The following PCDHA1 variants were observed in gnomAD, a reference collection of about 807,000 sequenced individuals.
PCDHA1 encodes protocadherin alpha-1.
Under a neutral mutation model 61.3 loss-of-function variants are expected in PCDHA1, and 42 were observed. That is an observed-to-expected ratio of 0.69 (90% confidence interval 0.54 to 0.89). The LOEUF is 0.89. PCDHA1 is among the 40% of genes least tolerant of loss of function. The pLI is 0.00. For synonymous variants in PCDHA1, 610 were observed against 553.8 expected (o/e 1.10, Z -1.43); for missense variants, 1,256 against 1,235.3 (o/e 1.02, Z -0.25).
At chr5:140,860,151 GTGTATATATATA>G (rs1350684051) in intron 1 of PCDHA1, 1 of 149,616 alleles carries the variant, frequency 6.7e-6, no homozygotes, top group African/African-American at 2.5e-5. Context: ...ATGTATATAT[GTGTATATATATA>G]TGTATATATA....
chr5:140,942,808 C>T (rs1175421349), intron 1 of PCDHA1, among the ~76,000 whole-genome samples: 1 of 151,920 alleles, frequency 6.6e-6, no homozygotes, highest in East Asian at 1.9e-4. Context: ...TTTCCACAAA[C>T]TAGTTGGATT....
chr5:140,831,960 C>A (rs2150110933), intron 1 of PCDHA1, among the ~76,000 whole-genome samples: 1 of 152,212 alleles, frequency 6.6e-6, no homozygotes, highest in East Asian at 1.9e-4. Context: ...AACTTTATGT[C>A]ATTTTATGCT....
chr5:140,789,081 A>G (rs1334437010), intron 1 of PCDHA1, among the ~76,000 whole-genome samples: 1 of 152,250 alleles, frequency 6.6e-6, no homozygotes, highest in African/African-American at 2.4e-5. Flanking sequence ...AGTTACAGAA[A>G]TCATCTGCCT....
chr5:140,809,151 G>A lies in PCDHA1; in HGVS notation c.2394+20467G>A, dbSNP rs370475370. ...CTACTGGTACTGGTGAAGGACCACGGCGAGCCCGCGCTGACGGCCACGGCC... is the reference window on the plus strand; with the variant it reads ...CTACTGGTACTGGTGAAGGACCACGACGAGCCCGCGCTGACGGCCACGGCC... On this transcript the variant is annotated intron_variant, in intron 1 of 3. Coordinates refer to ENST00000504120, the MANE Select transcript of PCDHA1 (RefSeq NM_018900.4). 1.9e-6 allele frequency: 3 copies of A among 1,613,852 alleles called. No individual in the cohort carries two copies. The highest frequency in any genetic ancestry group is 2.7e-5 in the African/African-American group (2 of 74,940).
At chr5:140,907,519 C>A (rs1378450434) in intron 1 of PCDHA1, among the ~76,000 whole-genome samples, 3 of 152,184 alleles carry the variant, frequency 2.0e-5, no homozygotes, top group Non-Finnish European at 4.4e-5. Flanking sequence ...CCAGTGAGGA[C>A]AAATCGCTGC....
intron 1 of PCDHA1, chr5:140,876,942 G>C (rs370156477): frequency 6.2e-7 from 1 of 1,613,660 alleles, no homozygotes; most frequent in South Asian, 1.1e-5. Flanking sequence ...ACGCGCTGGT[G>C]TCCTACTCGC....
chr5:140,798,771 C>G (rs947635529), intron 1 of PCDHA1, among the ~76,000 whole-genome samples: 7 of 152,128 alleles, frequency 4.6e-5, no homozygotes, highest in Admixed American at 2.6e-4. Flanking sequence ...CTGAACTCGA[C>G]AAGTAAATGT....
rs782090194 is a variant in PCDHA1, at chr5:140,796,999, T to A, written c.2394+8315T>A. On this transcript the variant is annotated intron_variant, in intron 1 of 3. Transcript: ENST00000504120. ...GGAAAGTGGCCAGGCACCCAAGGCC[T>A]CGTCGCGGGCGTGGGTGGGCGCCGC... 16 of 1,613,556 alleles carry A rather than the reference T, an allele frequency of 9.9e-6. No homozygotes were observed. The South Asian group carries it at 1.8e-4, about 18-fold the overall frequency.
At chr5:140,808,672 A>T in intron 1 of PCDHA1, 1 of 1,612,834 alleles carries the variant, frequency 6.2e-7, no homozygotes, top group South Asian at 1.1e-5. Context: ...ACTCGCTGGT[A>T]GAGCGGCGGG....
chr5:140,786,786 G>A lies in PCDHA1; in HGVS notation c.496G>A (p.Ala166Thr). The change falls in exon 1 of 4, where the codon GCT (alanine) becomes ACT (threonine). Residue 166 changes from alanine to threonine, a missense_variant. Coordinates refer to ENST00000504120, the MANE Select transcript of PCDHA1 (RefSeq NM_018900.4). ...TGCTGATGCAGACATTGGTGCTAAC[G>A]CTCTTCTAACGTACACGCTCAGCCC... ...GAADADIGAN[A>T]LLTYTLSPSD... 6.2e-7 allele frequency: 1 copy of A among 1,614,210 alleles called. No homozygotes were observed. Among genetic ancestry groups the A allele is most frequent in the South Asian group, 1.1e-5 (1 of 91,084 alleles).
chr5:140,787,180 C>G lies in PCDHA1; in HGVS notation c.890C>G (p.Ser297Cys), dbSNP rs781879463. The G allele has an allele frequency of 2.5e-6, 4 of 1,613,546 alleles. No homozygotes were observed. The African/African-American group carries it at 4.0e-5, about 16-fold the overall frequency. Reference sequence around the variant, plus strand: ...ATTCAAGAAAAATTCAAAGTTGATTCCAGCTCAGGAGAAATTAGGTTAATT... The same window carrying G: ...ATTCAAGAAAAATTCAAAGTTGATTGCAGCTCAGGAGAAATTAGGTTAATT... ...RDIQEKFKVDSSSGEIRLIDK... is the reference protein window; with the variant it reads ...RDIQEKFKVDCSSGEIRLIDK... Residue 297 changes from serine (S) to cysteine (C), a missense_variant, in exon 1 of 4, where the codon TCC becomes TGC. Ser to Cys is a moderately radical substitution (Grantham distance 112). Coordinates refer to ENST00000504120, the MANE Select transcript of PCDHA1 (RefSeq NM_018900.4).
intron 1 of PCDHA1, chr5:140,869,704 G>A (rs1271953937): frequency 2.5e-6 from 4 of 1,613,400 alleles, no homozygotes; most frequent in Admixed American, 3.3e-5. Flanking sequence ...GAAGTCTCTG[G>A]ATAGAGAGAA....
chr5:140,843,875 G>A (rs1044145588), intron 1 of PCDHA1: 18 of 764,320 alleles, frequency 2.4e-5, no homozygotes, highest in Middle Eastern at 3.9e-4. Context: ...TTTCTCAGTG[G>A]CATAATACAG....
At chr5:140,916,603 G>A (rs782815026) in intron 1 of PCDHA1, among the ~76,000 whole-genome samples, 4 of 152,152 alleles carry the variant, frequency 2.6e-5, no homozygotes, top group South Asian at 2.1e-4. Flanking sequence ...CCTGGAATGC[G>A]GGCCTCATGA....
intron 1 of PCDHA1, chr5:140,828,866 A>T (rs1769994516): frequency 6.2e-7 from 1 of 1,614,126 alleles, no homozygotes; most frequent in Admixed American, 1.7e-5. Context: ...AGACAACGGA[A>T]CAACAGTTAT....
At chr5:140,869,288 G>C (rs950790626) in intron 1 of PCDHA1, 2 of 1,613,578 alleles carry the variant, frequency 1.2e-6, no homozygotes, top group South Asian at 1.1e-5. Flanking sequence ...CTGGTGCAGC[G>C]CCTGTTCCGG....
intron 1 of PCDHA1, chr5:140,831,149 C>A (rs2150192022): frequency 6.6e-6 from 1 of 152,098 alleles, no homozygotes; most frequent in Non-Finnish European, 1.5e-5. Flanking sequence ...TATTTACTAC[C>A]GATCTAAATA....
In PCDHA1 at chr5:140,828,703, A is replaced by C. The variant is rs1438120324; in HGVS notation, c.2394+40019A>C. The stretch of plus-strand genomic sequence containing the variant: ...TAAAGAAATCCTTGGACAGAGAGGA[A>C]GCTCCTGCACACAACTTATTCCTGA... On this transcript the variant is annotated intron_variant, in intron 1 of 3. Coordinates refer to ENST00000504120, the MANE Select transcript of PCDHA1 (RefSeq NM_018900.4). The C allele has an allele frequency of 1.3e-5, 21 of 1,614,248 alleles. 1 individual carries two copies. The African/African-American group carries it at 1.6e-4, about 12-fold the overall frequency.
intron 1 of PCDHA1, among the ~76,000 whole-genome samples, chr5:140,935,203 A>T (rs1403808889): frequency 6.6e-6 from 1 of 152,160 alleles, no homozygotes; most frequent in African/African-American, 2.4e-5. Flanking sequence ...GTTTCTAGGT[A>T]TCTTCAGCTA....
Sources: gnomAD v4.1 joint callset for allele counts (sites outside exome capture counted in the v4.1 genomes callset) on GRCh38, gnomAD v4.1.1 for gene constraint, MANE v1.5 for transcripts, NCBI Gene and HGNC (gene_info 2026-07-23, HGNC 2026-07-21) for gene names.